Variants in CDH18 observed in about 807,000 individuals in gnomAD.
CDH18 encodes the protein cadherin-18.
Under a neutral mutation model 67.9 loss-of-function variants are expected in CDH18, and 31 were observed. The observed-to-expected ratio is 0.46, with a 90% CI of 0.34 to 0.62. CDH18 has a LOEUF of 0.62. Ranked by LOEUF, CDH18 falls within the 20% of genes least tolerant of loss-of-function variation. The pLI is 0.01. For missense variants in CDH18, 890 were observed against 975.5 expected (o/e 0.91, Z 1.17); for synonymous variants, 362 against 347.2 (o/e 1.04, Z -0.48).
At position 19,999,196 on chromosome 5, in the gene CDH18, G is replaced by A. The variant is rs138549306; in HGVS notation, c.-517-7182C>T. Among the ~76,000 whole-genome samples, 1,492 of 151,822 alleles carry A rather than the reference G, an allele frequency of 9.8e-3. 14 individuals carry two copies. The highest frequency in any genetic ancestry group is 0.012 in the African/African-American group (493 of 41,418). Reference sequence around the variant, plus strand: ...CTGTTTCTCATTTAGGGCTTTTCACGACATTGAAGGAACTATTATTTACAC... The same window carrying A: ...CTGTTTCTCATTTAGGGCTTTTCACAACATTGAAGGAACTATTATTTACAC... On this transcript the variant is annotated intron_variant, in intron 2 of 14. Transcript: ENST00000507958.
rs928920126 is a variant in CDH18 at position 20,304,416 on chromosome 5, T to C, written c.-579-48911A>G. ...TCTTTTACTTCAGTAACTACTACTT[T>C]GGGTAGCTCATGATTCTCTTCTTCA... On this transcript the variant is annotated intron_variant, in intron 1 of 14. Coordinates refer to the CDH18 transcript ENST00000507958. 2.8e-6 allele frequency: 4 copies of C among 1,433,486 alleles called. No individual in the cohort carries two copies. In the African/African-American group the frequency reaches 4.2e-5, roughly 15 times the overall value. 88.8% of individuals were successfully genotyped at this position (1,433,486 alleles called of 1,614,324 possible).
chr5:20,033,749 T>C (rs1408606964), intron 2 of CDH18, among the ~76,000 whole-genome samples: 1 of 152,072 alleles, frequency 6.6e-6, no homozygotes, highest in Non-Finnish European at 1.5e-5. Flanking sequence ...ATATAAAAAC[T>C]AATCTAGTCC....
chr5:20,005,692 T>C (rs1243158216), intron 2 of CDH18, among the ~76,000 whole-genome samples: 1 of 151,886 alleles, frequency 6.6e-6, no homozygotes, highest in Non-Finnish European at 1.5e-5. Flanking sequence ...GAAACATAAG[T>C]AAACAAAAGA....
At chr5:20,454,734 G>A (rs546410193) in intron 1 of CDH18, among the ~76,000 whole-genome samples, 55 of 152,176 alleles carry the variant, frequency 3.6e-4, no homozygotes, top group Non-Finnish European at 6.8e-4. Flanking sequence ...AGAAGTTCAT[G>A]TTCATGTCCT....
intron 1 of CDH18, among the ~76,000 whole-genome samples, chr5:20,406,524 T>C (rs1746273557): frequency 6.6e-6 from 1 of 151,800 alleles, no homozygotes; most frequent in South Asian, 2.1e-4. Context: ...CATGTATACA[T>C]ATGTAATGAA....
At chr5:20,522,410 G>T (rs1755802670) in intron 1 of CDH18, among the ~76,000 whole-genome samples, 1 of 152,110 alleles carries the variant, frequency 6.6e-6, no homozygotes, top group African/African-American at 2.4e-5. Context: ...TGATAAGAAT[G>T]AATCTTATCC....
rs142775340 is a variant in CDH18, at chr5:19,662,036, C to T, written c.644-49435G>A. 5.3e-4 allele frequency among the ~76,000 whole-genome samples: 81 copies of T among 152,048 alleles called. 1 individual carries two copies. The highest frequency in any genetic ancestry group is 1.9e-3 in the African/African-American group (79 of 41,506). On this transcript the variant is annotated intron_variant, in intron 5 of 12. Coordinates refer to ENST00000382275, the MANE Select transcript of CDH18 (RefSeq NM_004934.5). ...TGAAATTCAACTGTGTTAACATGAC[C>T]GTGCCCATAGGGTGAACTAATGGCA...
intron 1 of CDH18, among the ~76,000 whole-genome samples, chr5:20,433,913 A>G (rs1273124311): frequency 6.6e-6 from 1 of 152,160 alleles, no homozygotes; most frequent in African/African-American, 2.4e-5. Context: ...ATAAAAGCTG[A>G]GTAAAGAAAA....
rs60869844 is a variant in CDH18 at position 20,398,699 on chromosome 5, C to A, written c.-579-143194G>T. Among the ~76,000 whole-genome samples the A allele has an allele frequency of 9.7e-3, 1,477 of 151,664 alleles. 22 individuals carry two copies. Among genetic ancestry groups the A allele is most frequent in the African/African-American group, 0.034 (1,412 of 41,258 alleles). Reference sequence around the variant, plus strand: ...CATATACCTATGTAAAAAACCACCACGGCACACGTATAACCATGTAAAAAA... The same window carrying A: ...CATATACCTATGTAAAAAACCACCAAGGCACACGTATAACCATGTAAAAAA... On this transcript the variant is annotated intron_variant, in intron 1 of 14. Coordinates refer to the CDH18 transcript ENST00000507958.
At chr5:20,532,965 T>C (rs1326721524) in intron 1 of CDH18, among the ~76,000 whole-genome samples, 1 of 151,956 alleles carries the variant, frequency 6.6e-6, no homozygotes, top group African/African-American at 2.4e-5. Flanking sequence ...ACTCCTATGC[T>C]GAAGTCCTCT....
intron 2 of CDH18, among the ~76,000 whole-genome samples, chr5:20,137,665 C>T (rs530987285): frequency 6.6e-6 from 1 of 152,198 alleles, no homozygotes; most frequent in African/African-American, 2.4e-5. Context: ...AGAAGAGGCA[C>T]TCTGATTTTT....
chr5:19,748,034 A>AC (rs1190924504), intron 3 of CDH18, among the ~76,000 whole-genome samples: 2 of 140,154 alleles, frequency 1.4e-5, no homozygotes, highest in East Asian at 4.4e-4. Flanking sequence ...AATGGCGTGA[A>AC]CCTGGGAGGC....
intron 3 of CDH18, among the ~76,000 whole-genome samples, chr5:19,798,023 T>C (rs1777039596): frequency 6.6e-6 from 1 of 152,022 alleles, no homozygotes; most frequent in Non-Finnish European, 1.5e-5. Context: ...TCCACAAATA[T>C]CTTCAGCTGA....
chr5:20,030,170 A>G (rs1187842748), intron 2 of CDH18, among the ~76,000 whole-genome samples: 1 of 152,230 alleles, frequency 6.6e-6, no homozygotes, highest in Admixed American at 6.5e-5. Flanking sequence ...CCACCCAAGA[A>G]GAGTGTGACT....
Position 19,898,529 on chromosome 5 carries a change from A to G in CDH18, c.-256-59287T>C, listed in dbSNP as rs189247492. On this transcript the variant is annotated intron_variant, in intron 2 of 12. Transcript: ENST00000382275. Reference sequence around the variant, plus strand: ...AAATTTAGCAGAGGGGATTACTAATAAAGGGTTAGTTTTTTTTAAAAAAAG... The same window carrying G: ...AAATTTAGCAGAGGGGATTACTAATGAAGGGTTAGTTTTTTTTAAAAAAAG... Among the ~76,000 whole-genome samples, 481 of 152,130 alleles carry G rather than the reference A, an allele frequency of 3.2e-3. 2 individuals carry two copies. The highest frequency in any genetic ancestry group is 9.4e-3 in the African/African-American group (390 of 41,518).
At chr5:20,572,044 T>C (rs1232065718) in intron 1 of CDH18, among the ~76,000 whole-genome samples, 1 of 152,210 alleles carries the variant, frequency 6.6e-6, no homozygotes, top group East Asian at 1.9e-4. Context: ...TCAAAAGTGA[T>C]AAGGGAAATA....
chr5:20,357,713 C>T (rs1371209572), intron 1 of CDH18, among the ~76,000 whole-genome samples: 1 of 152,096 alleles, frequency 6.6e-6, no homozygotes, highest in Non-Finnish European at 1.5e-5. Flanking sequence ...ATTATTGGGA[C>T]TATAAATTAG....
In CDH18 at chr5:20,332,090, T is replaced by C. The variant is rs144155825; in HGVS notation, c.-579-76585A>G. 2.6e-3 allele frequency among the ~76,000 whole-genome samples: 399 copies of C among 152,332 alleles called. 1 individual carries two copies. The highest frequency in any genetic ancestry group is 4.4e-3 in the Non-Finnish European group (300 of 68,032). On this transcript the variant is annotated intron_variant, in intron 1 of 14. Coordinates refer to the CDH18 transcript ENST00000507958. ...CCAAGCCCTTTATGTGGCATACTTATCTGAGCTTACTTCTAAACACAATTA... is the reference window on the plus strand; with the variant it reads ...CCAAGCCCTTTATGTGGCATACTTACCTGAGCTTACTTCTAAACACAATTA...
chr5:19,856,747 G>A (rs532092708), intron 2 of CDH18, among the ~76,000 whole-genome samples: 3 of 151,952 alleles, frequency 2.0e-5, no homozygotes, highest in East Asian at 3.9e-4. Flanking sequence ...GAGAAATTTC[G>A]GGAGAAAACT....
Sources: gnomAD v4.1 joint callset for allele counts (sites outside exome capture counted in the v4.1 genomes callset) on GRCh38, gnomAD v4.1.1 for gene constraint, MANE v1.5 for transcripts, NCBI Gene and HGNC (gene_info 2026-07-23, HGNC 2026-07-21) for gene names.